The following STK32B variants were observed in gnomAD, a reference collection of about 807,000 sequenced individuals.
STK32B encodes the protein serine/threonine-protein kinase 32B.
In STK32B, 43 loss-of-function variants were observed where a neutral mutation model predicts 52.6. That is an observed-to-expected ratio of 0.82 (90% CI 0.64 to 1.05). The LOEUF (loss-of-function observed/expected upper bound fraction) is 1.05. Ranked by LOEUF, STK32B falls within the 50% of genes least tolerant of loss-of-function variation. The pLI is 0.00. For synonymous variants in STK32B, 238 were observed against 204.3 expected, an observed-to-expected ratio of 1.17 and a Z score of -1.41; for missense variants, 621 against 534.6, an observed-to-expected ratio of 1.16 and a Z score of -1.59.
intron 6 of STK32B, among the ~76,000 whole-genome samples, chr4:5,433,511 G>A (rs982251158): frequency 6.6e-6 from 1 of 152,180 alleles, no homozygotes; most frequent in African/African-American, 2.4e-5. Flanking sequence ...GGAGACTTGG[G>A]TTCTAGTCCC....
chr4:5,151,850 C>T (rs1333186021), intron 2 of STK32B, among the ~76,000 whole-genome samples: 3 of 152,148 alleles, frequency 2.0e-5, no homozygotes, highest in Non-Finnish European at 4.4e-5. Flanking sequence ...TTTGACTCTC[C>T]AGCATGCTTT....
intron 4 of STK32B, among the ~76,000 whole-genome samples, chr4:5,390,780 A>G (rs748295767): frequency 3.3e-5 from 5 of 152,044 alleles, no homozygotes; most frequent in African/African-American, 9.7e-5. Flanking sequence ...CAGAAGTCCA[A>G]TATCAAGATG....
chr4:5,274,190 A>T (rs889111127), intron 3 of STK32B, among the ~76,000 whole-genome samples: 2 of 152,214 alleles, frequency 1.3e-5, no homozygotes. Context: ...ACAACTTTAA[A>T]AAGTGAACAG....
chr4:5,348,412 C>T (rs555969611), intron 4 of STK32B, among the ~76,000 whole-genome samples: 6 of 152,302 alleles, frequency 3.9e-5, no homozygotes, highest in East Asian at 1.9e-4. Flanking sequence ...ACACCCCTTG[C>T]GCTTTTGCAT....
chr4:5,190,530 A>G (rs1721101785), intron 3 of STK32B, among the ~76,000 whole-genome samples: 1 of 152,112 alleles, frequency 6.6e-6, no homozygotes, highest in Admixed American at 6.5e-5. Context: ...CACATTAAGC[A>G]CCTACTATGT....
chr4:5,287,356 G>A (rs867226629), intron 3 of STK32B, among the ~76,000 whole-genome samples: 1 of 151,780 alleles, frequency 6.6e-6, no homozygotes, highest in African/African-American at 2.4e-5. Flanking sequence ...CTTCTCTGAC[G>A]TCTAATGAGG....
At position 5,400,716 on chromosome 4, in the gene STK32B, C is replaced by A. The variant is rs1273298224; in HGVS notation, c.472+2472C>A. Among the ~76,000 whole-genome samples the A allele has an allele frequency of 1.3e-5, 2 of 152,176 alleles. No homozygotes were observed. Among genetic ancestry groups the A allele is most frequent in the South Asian group, 2.1e-4 (1 of 4,820 alleles). On this transcript the variant is annotated intron_variant, in intron 5 of 11. Transcript: ENST00000282908. The surrounding 1 kb of genome is among the most constrained non-coding windows in gnomAD (Gnocchi z 6.1). ...GAGAAGAGAAAGAGAGAATTCTATGCCCATGGCCCTCCTTTACCTGCTCTT... is the reference window on the plus strand; with the variant it reads ...GAGAAGAGAAAGAGAGAATTCTATGACCATGGCCCTCCTTTACCTGCTCTT...
chr4:5,406,706 C>T (rs1577455068), intron 5 of STK32B, among the ~76,000 whole-genome samples: 2 of 152,244 alleles, frequency 1.3e-5, no homozygotes, highest in Middle Eastern at 3.4e-3. Context: ...ATGGCTGGAG[C>T]TGGAGTGGCT....
the STK32B span, among the ~76,000 whole-genome samples, chr4:5,041,796 G>T: frequency 1.7e-5 from 2 of 121,174 alleles, no homozygotes; most frequent in African/African-American, 2.8e-5. Flanking sequence ...CCACAAAACA[G>T]CCTTTATCTT....
At chr4:5,300,349 G>C (rs1729476808) in intron 3 of STK32B, among the ~76,000 whole-genome samples, 1 of 152,104 alleles carries the variant, frequency 6.6e-6, no homozygotes, top group Admixed American at 6.6e-5. Flanking sequence ...AAAGCTGAAA[G>C]CATGCCTCCT....
intron 4 of STK32B, among the ~76,000 whole-genome samples, chr4:5,368,167 C>T (rs575278826): frequency 1.3e-5 from 2 of 152,014 alleles, no homozygotes; most frequent in South Asian, 4.2e-4. Context: ...TTTTGACATC[C>T]TCTACCCGGA....
At chr4:5,122,152 T>G (rs796356578) in intron 1 of STK32B, among the ~76,000 whole-genome samples, 2 of 150,602 alleles carry the variant, frequency 1.3e-5, no homozygotes, top group African/African-American at 5.0e-5. Flanking sequence ...ACTCATTCAC[T>G]CCTTCATTCA....
intron 8 of STK32B, among the ~76,000 whole-genome samples, 170 bp from the exon 9 acceptor site, chr4:5,459,933 G>A (rs1716897157): frequency 6.6e-6 from 1 of 152,194 alleles, no homozygotes; most frequent in Admixed American, 6.5e-5. Flanking sequence ...TGGCTATAAA[G>A]AGATGAGTGC....
At chr4:5,186,019 G>A (rs1043260376) in intron 3 of STK32B, among the ~76,000 whole-genome samples, 5 of 152,114 alleles carry the variant, frequency 3.3e-5, no homozygotes, top group African/African-American at 4.8e-5. Context: ...TCTGTTCTTC[G>A]GTCACTGCGA....
chr4:5,026,858 C>G, the STK32B span, among the ~76,000 whole-genome samples: 380 of 152,256 alleles, frequency 2.5e-3, 2 homozygotes, highest in African/African-American at 8.3e-3. Context: ...CTGTCTTTGA[C>G]AAGGATTAGA....
chr4:5,099,324 G>T (rs1363558859), intron 1 of STK32B, among the ~76,000 whole-genome samples: 1 of 152,182 alleles, frequency 6.6e-6, no homozygotes, highest in Non-Finnish European at 1.5e-5. Flanking sequence ...CTAGGAACTA[G>T]AATGTGGGCA....
intron 11 of STK32B, among the ~76,000 whole-genome samples, chr4:5,496,227 C>G (rs1361937933): frequency 2.0e-5 from 3 of 152,364 alleles, no homozygotes; most frequent in African/African-American, 7.2e-5. Context: ...GTGGTGGGCT[C>G]CATCCAGTTC....
chr4:5,372,200 T>G (rs1233919989), intron 4 of STK32B, among the ~76,000 whole-genome samples: 2 of 152,166 alleles, frequency 1.3e-5, no homozygotes, highest in Non-Finnish European at 2.9e-5. Flanking sequence ...TTGGGGACCG[T>G]GGCAAGCAGC....
intron 1 of STK32B, among the ~76,000 whole-genome samples, chr4:5,072,407 C>G (rs1219781427): frequency 1.3e-5 from 2 of 152,126 alleles, no homozygotes; most frequent in Non-Finnish European, 2.9e-5. Context: ...TTCAATTGCT[C>G]AGGTTCACAC....
Sources: gnomAD v4.1 joint callset for allele counts (sites outside exome capture counted in the v4.1 genomes callset) on GRCh38, gnomAD v4.1.1 for gene constraint, Gnocchi (gnomAD v3.1) non-coding constraint, MANE v1.5 for transcripts, NCBI Gene and HGNC (gene_info 2026-07-23, HGNC 2026-07-21) for gene names.